Variants in LRRFIP1 observed in about 807,000 individuals in gnomAD.
LRRFIP1 encodes the protein leucine-rich repeat flightless-interacting protein 1.
In LRRFIP1, 62 loss-of-function variants were observed where a neutral mutation model predicts 104.4. The observed-to-expected ratio is 0.59, with a 90% CI of 0.48 to 0.73. LRRFIP1 has a LOEUF of 0.73. Ranked by LOEUF, LRRFIP1 falls within the 30% of genes least tolerant of loss-of-function variation. The pLI, the probability that LRRFIP1 is intolerant of heterozygous loss-of-function variation, is 0.00. For missense variants in LRRFIP1, 796 were observed against 824.5 expected (o/e 0.97, Z 0.42); for synonymous variants, 300 against 299.0 (o/e 1.00, Z -0.03).
intron 19 of LRRFIP1, among the ~76,000 whole-genome samples, chr2:237,760,445 T>C (rs2059739595): frequency 6.6e-6 from 1 of 152,238 alleles, no homozygotes; most frequent in South Asian, 2.1e-4. Flanking sequence ...CTTTTGCTGC[T>C]CAAAGCTACC....
At chr2:237,710,375 C>T (rs931117075) in intron 2 of LRRFIP1, among the ~76,000 whole-genome samples, 4 of 151,958 alleles carry the variant, frequency 2.6e-5, no homozygotes, top group Non-Finnish European at 5.9e-5. Flanking sequence ...CCTCCCTCTC[C>T]TGGGTTCAAG....
At chr2:237,697,581 C>T (rs929677418) in intron 1 of LRRFIP1, among the ~76,000 whole-genome samples, 5 of 152,158 alleles carry the variant, frequency 3.3e-5, no homozygotes, top group Non-Finnish European at 7.3e-5. Context: ...AGGGAATATC[C>T]ACTGAATATA....
chr2:237,663,514 C>A (rs974654648), intron 1 of LRRFIP1, among the ~76,000 whole-genome samples: 1 of 152,232 alleles, frequency 6.6e-6, no homozygotes, highest in African/African-American at 2.4e-5. Flanking sequence ...TCCCCAGACA[C>A]TGAATCTGCT....
chr2:237,766,595 A>AT lies in LRRFIP1; in HGVS notation c.1460-3346dup, dbSNP rs1386800940. 2.6e-5 allele frequency among the ~76,000 whole-genome samples: 4 copies of AT among 152,162 alleles called. No individual in the cohort carries two copies. In the East Asian group the frequency reaches 7.7e-4, roughly 29 times the overall value. On this transcript the variant is annotated intron_variant, in intron 19 of 23. Transcript: ENST00000308482. The surrounding 1 kb of genome is among the most constrained non-coding windows in gnomAD (Gnocchi z 4.8). Reference sequence around the variant, plus strand: ...GCTCAGCCATCCAGCCGTCTCAGTGATTCACCACTCATTTGCTTAATTAAT... The same window carrying AT: ...GCTCAGCCATCCAGCCGTCTCAGTGATTTCACCACTCATTTGCTTAATTAAT...
In LRRFIP1 at chr2:237,764,636, T is replaced by C. The variant is rs184574796; in HGVS notation, c.1459+4431T>C. The C allele has an allele frequency of 2.7e-5, 27 of 987,894 alleles. 1 individual carries two copies. The East Asian group carries it at 2.7e-3, about 98-fold the overall frequency. 61.2% of individuals were successfully genotyped at this position (987,894 alleles called of 1,614,324 possible). A position where few individuals can be genotyped will look rare whatever the true frequency, so the allele number is the denominator to read the frequency against. On this transcript the variant is annotated intron_variant, in intron 19 of 23. Transcript: ENST00000308482. ...ACATTATAACCTGTATGGTATTTTATTTAAAGGAGATAAACAGCCAAATAG... is the reference window on the plus strand; with the variant it reads ...ACATTATAACCTGTATGGTATTTTACTTAAAGGAGATAAACAGCCAAATAG...
At chr2:237,733,956 C>A in intron 9 of LRRFIP1, 138 bp downstream of exon 9, 1 of 863,364 alleles carries the variant, frequency 1.2e-6, no homozygotes, top group South Asian at 1.5e-5. Context: ...CTTACATGTG[C>A]CAGTGGGGAA....
chr2:237,758,256 G>T (rs557587627), intron 17 of LRRFIP1, among the ~76,000 whole-genome samples: 3 of 150,956 alleles, frequency 2.0e-5, no homozygotes, highest in African/African-American at 7.4e-5. Flanking sequence ...CTGCATGCAC[G>T]CACACTTTAG....
intron 19 of LRRFIP1, chr2:237,764,008 C>G (rs755455053): frequency 1.2e-6 from 2 of 1,614,130 alleles, no homozygotes; most frequent in Non-Finnish European, 1.7e-6. Context: ...AAGCTTTAGA[C>G]AGCAATAGCC....
chr2:237,659,260 A>AT (rs58381606), intron 1 of LRRFIP1, among the ~76,000 whole-genome samples: 8 of 150,976 alleles, frequency 5.3e-5, no homozygotes, highest in Non-Finnish European at 1.0e-4. Context: ...CACTCGGCAA[A>AT]TTTTTTTTTA....
intron 11 of LRRFIP1, among the ~76,000 whole-genome samples, chr2:237,744,302 T>A (rs1391201637): frequency 6.6e-6 from 1 of 152,242 alleles, no homozygotes; most frequent in Non-Finnish European, 1.5e-5. Flanking sequence ...CTCGCAAGGA[T>A]GTTGCTTCGG....
Position 237,691,257 on chromosome 2 carries a change from G to A in LRRFIP1, c.97-17287G>A, listed in dbSNP as rs1157668591. Among the ~76,000 whole-genome samples, 1 of 152,226 alleles carries A rather than the reference G, an allele frequency of 6.6e-6. No individual in the cohort carries two copies. Among genetic ancestry groups the A allele is most frequent in the Admixed American group, 6.5e-5 (1 of 15,290 alleles). On this transcript the variant is annotated intron_variant, in intron 1 of 23. Transcript: ENST00000308482. This position sits in a 1 kb window ranked among gnomAD's most constrained non-coding sequence, Gnocchi z 5.4. ...ATCCCGTCGCTTCTGCCCCCAGCCT[G>A]GCGAGGTCGGGAACCGTTTCCCGCA...
rs1490162951 is a variant in LRRFIP1 at position 237,711,881 on chromosome 2, C to G, written c.184-2378C>G. Among the ~76,000 whole-genome samples the G allele has an allele frequency of 6.6e-6, 1 of 152,218 alleles. No homozygotes were observed. Among genetic ancestry groups the G allele is most frequent in the Non-Finnish European group, 1.5e-5 (1 of 68,038 alleles). On this transcript the variant is annotated intron_variant, in intron 2 of 23. Transcript: ENST00000308482. The surrounding 1 kb of genome is among the most constrained non-coding windows in gnomAD (Gnocchi z 4.4). ...AGACGAGAGCCAGACGAGGAAGGGC[C>G]AGCCCAGTCAGCCCAGCGCAGCACG...
intron 9 of LRRFIP1, among the ~76,000 whole-genome samples, 164 bp downstream of exon 9, chr2:237,733,982 G>T (rs902748772): frequency 3.9e-5 from 6 of 152,214 alleles, no homozygotes; most frequent in African/African-American, 1.4e-4. Context: ...GTCCCCTTTG[G>T]CCAGATCTGG....
intron 1 of LRRFIP1, among the ~76,000 whole-genome samples, chr2:237,640,728 T>A (rs2083824552): frequency 6.6e-6 from 1 of 152,214 alleles, no homozygotes; most frequent in African/African-American, 2.4e-5. Context: ...GCCCTGGGCC[T>A]CCGCAGCTCT....
chr2:237,683,874 C>T (rs1037588119), intron 1 of LRRFIP1, among the ~76,000 whole-genome samples: 2 of 152,210 alleles, frequency 1.3e-5, no homozygotes, highest in Admixed American at 6.5e-5. Context: ...CCTTCGAATA[C>T]ATCTTGAGTA....
chr2:237,776,319 G>T (rs932569994), intron 23 of LRRFIP1, among the ~76,000 whole-genome samples: 1 of 152,124 alleles, frequency 6.6e-6, no homozygotes, highest in African/African-American at 2.4e-5. Flanking sequence ...GTTATACCTG[G>T]TCTTTGAAAT....
At chr2:237,694,531 A>G (rs10171166) in intron 1 of LRRFIP1, among the ~76,000 whole-genome samples, 49,844 of 151,990 alleles carry the variant, frequency 0.33, 10,617 homozygotes, top group African/African-American at 0.61. Context: ...GTATAGGCAC[A>G]GGAAAGTGGT....
At position 237,638,906 on chromosome 2, in the gene LRRFIP1, C is replaced by A. The variant is rs1306961954; in HGVS notation, c.96+11166C>A. Among the ~76,000 whole-genome samples, 3 of 152,216 alleles carry A rather than the reference C, an allele frequency of 2.0e-5. No homozygotes were observed. In the South Asian group the frequency reaches 6.2e-4, roughly 32 times the overall value. On this transcript the variant is annotated intron_variant, in intron 1 of 23. Coordinates refer to ENST00000308482, the MANE Select transcript of LRRFIP1 (RefSeq NM_001137550.2). ...GACTGATCGATGGACTGATCTATTG[C>A]AGGTTGGAACCTTTGTGGGGCTGTG...
chr2:237,638,524 T>C (rs766618842), intron 1 of LRRFIP1, among the ~76,000 whole-genome samples: 17 of 152,176 alleles, frequency 1.1e-4, no homozygotes, highest in African/African-American at 3.6e-4. Context: ...TGCCCTAAGA[T>C]ATTGCTTTAA....
Sources: gnomAD v4.1 joint callset for allele counts (sites outside exome capture counted in the v4.1 genomes callset) on GRCh38, gnomAD v4.1.1 for gene constraint, Gnocchi (gnomAD v3.1) non-coding constraint, MANE v1.5 for transcripts, NCBI Gene and HGNC (gene_info 2026-07-23, HGNC 2026-07-21) for gene names.